Variants in SLC25A30 observed in about 807,000 individuals in gnomAD.
The protein encoded by SLC25A30 is kidney mitochondrial carrier protein 1.
A neutral mutation model predicts 42.7 loss-of-function variants in SLC25A30; 29 were observed. That is an observed-to-expected ratio of 0.68 (90% CI 0.51 to 0.93). SLC25A30 has a LOEUF of 0.93. Ranked by LOEUF, SLC25A30 falls within the 40% of genes least tolerant of loss-of-function variation. The pLI is 0.00. For synonymous variants in SLC25A30, 124 were observed against 131.0 expected (o/e 0.95, Z 0.37); for missense variants, 300 against 359.7 (o/e 0.83, Z 1.34).
chr13:45,421,621 C>A (rs1332660490), upstream of SLC25A30, among the ~76,000 whole-genome samples: 1 of 152,146 alleles, frequency 6.6e-6, no homozygotes, highest in Non-Finnish European at 1.5e-5. Context: ...TTTATTAGCT[C>A]TCTGGCCTTG....
the SLC25A30 span, among the ~76,000 whole-genome samples, chr13:45,423,619 T>C: frequency 4.5e-5 from 2 of 44,454 alleles, no homozygotes; most frequent in South Asian, 9.6e-4. Context: ...ATATATAAAA[T>C]ATATATATAT....
the SLC25A30 span, among the ~76,000 whole-genome samples, chr13:45,425,067 T>C: frequency 1.3e-5 from 1 of 79,348 alleles, no homozygotes; most frequent in Non-Finnish European, 2.2e-5. Flanking sequence ...TATAAGTATA[T>C]ATACATATAT....
intron 5 of SLC25A30, among the ~76,000 whole-genome samples, chr13:45,404,040 AG>A (rs1882262171): frequency 6.6e-6 from 1 of 152,226 alleles, no homozygotes; most frequent in Non-Finnish European, 1.5e-5. Context: ...CAATAAAACA[AG>A]GAACATTTTC....
chr13:45,415,796 ATTT>A (rs557873011), intron 1 of SLC25A30, among the ~76,000 whole-genome samples: 4,103 of 96,088 alleles, frequency 0.043, 121 homozygotes, highest in African/African-American at 0.11. Flanking sequence ...TGGCTGAATA[ATTT>A]TTTTTTTTTT....
At chr13:45,400,087 T>C (rs1881814283) in intron 7 of SLC25A30, among the ~76,000 whole-genome samples, 1 of 150,190 alleles carries the variant, frequency 6.7e-6, no homozygotes, top group South Asian at 2.1e-4. Flanking sequence ...AATATATATG[T>C]ATGATATATC....
In SLC25A30 at chr13:45,405,208, C is replaced by T. The variant is rs534016840; in HGVS notation, c.307+675G>A. ...CCAAAGCACTGGGATTACAGGCACG[C>T]GCCACCGCACCCAGCCCCAGTTCAC... On this transcript the variant is annotated intron_variant, in intron 4 of 9. Coordinates refer to ENST00000519676, the MANE Select transcript of SLC25A30 (RefSeq NM_001010875.4). Among the ~76,000 whole-genome samples the T allele has an allele frequency of 1.7e-3, 255 of 152,266 alleles. 2 individuals carry two copies. Among genetic ancestry groups the T allele is most frequent in the African/African-American group, 5.8e-3 (240 of 41,542 alleles).
At chr13:45,424,040 AATAT>A in the SLC25A30 span, among the ~76,000 whole-genome samples, 1 of 86,662 alleles carries the variant, frequency 1.2e-5, no homozygotes, top group Non-Finnish European at 2.0e-5. Context: ...TATTTATATA[AATAT>A]ATATAAATCT....
At position 45,417,594 on chromosome 13, in the gene SLC25A30, G is replaced by T. The variant is rs73183459; in HGVS notation, c.-56+706C>A. On this transcript the variant is annotated intron_variant, in intron 1 of 9. Coordinates refer to ENST00000519676, the MANE Select transcript of SLC25A30 (RefSeq NM_001010875.4). ...TCATCTCGTTTCACGTTAATTAACT[G>T]AGCCCGCGGTCACAAAGCTTCGCAA... 5.3e-3 allele frequency among the ~76,000 whole-genome samples: 800 copies of T among 152,194 alleles called. 4 individuals are homozygous for T. Among genetic ancestry groups the T allele is most frequent in the South Asian group, 0.012 (57 of 4,820 alleles).
intron 7 of SLC25A30, among the ~76,000 whole-genome samples, chr13:45,400,011 T>C (rs1394382142): frequency 2.7e-5 from 3 of 109,194 alleles, no homozygotes; most frequent in Non-Finnish European, 5.5e-5. Flanking sequence ...GGATTATGTA[T>C]GATTATATAT....
chr13:45,408,828 C>T, intron 3 of SLC25A30, 99 bp downstream of exon 3: 1 of 1,133,180 alleles, frequency 8.8e-7, no homozygotes, highest in Non-Finnish European at 1.2e-6. Flanking sequence ...TCAAACACAC[C>T]TCAAACTTTT....
the SLC25A30 span, among the ~76,000 whole-genome samples, chr13:45,429,350 T>C: frequency 1.3e-5 from 2 of 152,024 alleles, no homozygotes; most frequent in Non-Finnish European, 2.9e-5. Flanking sequence ...ATTACAGGCA[T>C]GAGCCACCAC....
At chr13:45,422,700 C>A (rs1186590291), upstream of SLC25A30, among the ~76,000 whole-genome samples, 1 of 152,026 alleles carries the variant, frequency 6.6e-6, no homozygotes, top group African/African-American at 2.4e-5. Flanking sequence ...AGGAATGTTG[C>A]TTTGGGCATT....
the SLC25A30 span, among the ~76,000 whole-genome samples, chr13:45,433,754 C>G: frequency 6.6e-6 from 1 of 152,216 alleles, no homozygotes; most frequent in South Asian, 2.1e-4. Context: ...GGCTTTCAAA[C>G]TCGTTAAACT....
chr13:45,424,152 T>A, the SLC25A30 span, among the ~76,000 whole-genome samples: 744 of 86,922 alleles, frequency 8.6e-3, 20 homozygotes, highest in East Asian at 0.043. Context: ...AATATAAGTA[T>A]ATATATAGAA....
At chr13:45,403,217 C>T (rs1882166106) in intron 5 of SLC25A30, among the ~76,000 whole-genome samples, 1 of 152,194 alleles carries the variant, frequency 6.6e-6, no homozygotes, top group East Asian at 1.9e-4. Context: ...CCTTGTATTT[C>T]TTCCTTACCC....
chr13:45,407,950 T>A (rs773835554), intron 3 of SLC25A30, among the ~76,000 whole-genome samples: 2 of 152,214 alleles, frequency 1.3e-5, no homozygotes, highest in East Asian at 3.8e-4. Flanking sequence ...CAGATCCTCA[T>A]CTAGTCTTCC....
At chr13:45,396,736 T>C in intron 9 of SLC25A30, 2 of 156,712 alleles carry the variant, frequency 1.3e-5, no homozygotes, top group Non-Finnish European at 2.8e-5. Context: ...CACGCCACTG[T>C]ACTCCAGCCT....
intron 1 of SLC25A30, among the ~76,000 whole-genome samples, chr13:45,413,409 T>A (rs1400670048): frequency 6.6e-6 from 1 of 152,194 alleles, no homozygotes; most frequent in Non-Finnish European, 1.5e-5. Context: ...AGTACTAACT[T>A]CCTTAACCCA....
At chr13:45,406,979 TGG>T (rs1432730977) in intron 3 of SLC25A30, among the ~76,000 whole-genome samples, 1 of 152,216 alleles carries the variant, frequency 6.6e-6, no homozygotes, top group African/African-American at 2.4e-5. Context: ...ATCTAAAGGC[TGG>T]CCAGGCACGG....
Sources: allele counts gnomAD v4.1 joint callset (sites outside exome capture counted in the v4.1 genomes callset), GRCh38; gene constraint gnomAD v4.1.1; transcripts MANE v1.5; gene names NCBI Gene and HGNC (gene_info 2026-07-23, HGNC 2026-07-21).